Variants in MACROD2 observed in about 807,000 individuals in gnomAD.
MACROD2 encodes ADP-ribose glycohydrolase MACROD2.
Under a neutral mutation model 70.4 loss-of-function variants are expected in MACROD2, and 36 were observed. The observed-to-expected ratio is 0.51, with a 90% CI of 0.39 to 0.68. The LOEUF (loss-of-function observed/expected upper bound fraction) is 0.68. Ranked by LOEUF, MACROD2 falls within the 30% of genes least tolerant of loss-of-function variation. The pLI is 0.00. For synonymous variants in MACROD2, 172 were observed against 178.8 expected, an observed-to-expected ratio of 0.96 and a Z score of 0.30; for missense variants, 496 against 538.4, an observed-to-expected ratio of 0.92 and a Z score of 0.78.
At chr20:15,463,410 A>G (rs1436275627) in intron 7 of MACROD2, among the ~76,000 whole-genome samples, 1 of 152,220 alleles carries the variant, frequency 6.6e-6, no homozygotes, top group Admixed American at 6.5e-5. Context: ...GGAGATGACC[A>G]CTAATATCTA....
chr20:15,730,796 G>A (rs962880943), intron 8 of MACROD2, among the ~76,000 whole-genome samples: 3 of 150,588 alleles, frequency 2.0e-5, no homozygotes, highest in African/African-American at 7.3e-5. Flanking sequence ...GTTGCTTGCT[G>A]TCTCTTCCTC....
chr20:15,538,373 C>A (rs1312183294), intron 8 of MACROD2, among the ~76,000 whole-genome samples: 3 of 152,112 alleles, frequency 2.0e-5, no homozygotes, highest in Non-Finnish European at 4.4e-5. Flanking sequence ...ATGTAAAAGA[C>A]GGGCTTCAAA....
chr20:14,045,075 G>A (rs1005250548), intron 2 of MACROD2, among the ~76,000 whole-genome samples: 4 of 152,228 alleles, frequency 2.6e-5, no homozygotes, highest in Admixed American at 2.0e-4. Context: ...TTGCCGCTCC[G>A]AGTGCGGGGC....
rs139223093 is a variant in MACROD2 at position 14,065,511 on chromosome 20, A to G, written c.164-20110A>G. 9.2e-5 allele frequency among the ~76,000 whole-genome samples: 14 copies of G among 152,312 alleles called. No individual in the cohort carries two copies. In the East Asian group the frequency reaches 2.7e-3, roughly 29 times the overall value. On this transcript the variant is annotated intron_variant, in intron 2 of 17. Transcript: ENST00000684519. Reference sequence around the variant, plus strand: ...TAGGGTATTGTGCTGGCTGGTATATATGGCAGAAAGAAGTGATTCTGCCTC... The same window carrying G: ...TAGGGTATTGTGCTGGCTGGTATATGTGGCAGAAAGAAGTGATTCTGCCTC...
intron 8 of MACROD2, among the ~76,000 whole-genome samples, chr20:15,623,724 G>C (rs1453876720): frequency 7.8e-6 from 1 of 128,830 alleles, no homozygotes; most frequent in African/African-American, 3.0e-5. Context: ...ATCTATCGAT[G>C]TGTCTATGTA....
chr20:15,891,112 G>A (rs1223168007), intron 10 of MACROD2, among the ~76,000 whole-genome samples: 5 of 152,110 alleles, frequency 3.3e-5, no homozygotes, highest in African/African-American at 1.2e-4. Flanking sequence ...TTCCTTTCTG[G>A]TGAGCCTTTA....
intron 8 of MACROD2, among the ~76,000 whole-genome samples, chr20:15,518,523 G>A (rs554538277): frequency 6.3e-4 from 96 of 152,226 alleles, no homozygotes; most frequent in African/African-American, 2.2e-3. Flanking sequence ...TAAATTTTGT[G>A]GGCCTCCATC....
At chr20:15,584,884 G>A (rs1469903711) in intron 8 of MACROD2, among the ~76,000 whole-genome samples, 1 of 152,174 alleles carries the variant, frequency 6.6e-6, no homozygotes, top group Non-Finnish European at 1.5e-5. Context: ...ACCTGTCCAT[G>A]CCAGTGACTA....
intron 3 of MACROD2, among the ~76,000 whole-genome samples, chr20:14,303,695 G>A (rs987075552): frequency 6.6e-6 from 1 of 152,058 alleles, no homozygotes; most frequent in African/African-American, 2.4e-5. Context: ...TAGTCTTCCA[G>A]TTCTGCATAG....
At chr20:15,032,361 C>T (rs891090827) in intron 5 of MACROD2, among the ~76,000 whole-genome samples, 8 of 152,362 alleles carry the variant, frequency 5.3e-5, no homozygotes, top group African/African-American at 1.7e-4. Context: ...GGCGCGCCTA[C>T]CCCTCTGCAC....
At chr20:15,972,716 A>C (rs1307085384) in intron 13 of MACROD2, among the ~76,000 whole-genome samples, 1 of 152,140 alleles carries the variant, frequency 6.6e-6, no homozygotes, top group Non-Finnish European at 1.5e-5. Context: ...AGGCTGAGTC[A>C]GGAGAATCAC....
intron 3 of MACROD2, among the ~76,000 whole-genome samples, chr20:14,366,318 C>T (rs1337934433): frequency 6.7e-6 from 1 of 149,602 alleles, no homozygotes; most frequent in Non-Finnish European, 1.5e-5. Context: ...TTTTTATCTT[C>T]TTTATATATT....
At chr20:14,173,471 A>T (rs6079333) in intron 3 of MACROD2, among the ~76,000 whole-genome samples, 144,252 of 152,002 alleles carry the variant, frequency 0.95, 68,468 homozygotes, top group East Asian at 0.99. Flanking sequence ...AGTTGTGATT[A>T]TTTTTTATTT....
At chr20:14,367,088 T>C (rs1037976709) in intron 3 of MACROD2, among the ~76,000 whole-genome samples, 1 of 152,170 alleles carries the variant, frequency 6.6e-6, no homozygotes, top group Non-Finnish European at 1.5e-5. Context: ...GTGGTTTGTA[T>C]GGGGATAACA....
intron 5 of MACROD2, among the ~76,000 whole-genome samples, chr20:14,989,765 C>G (rs1436764864): frequency 1.3e-5 from 2 of 152,068 alleles, no homozygotes; most frequent in African/African-American, 4.8e-5. Context: ...TATGTTGGGT[C>G]CGGTCCGTTT....
At chr20:15,834,371 C>T (rs1305783020) in intron 8 of MACROD2, among the ~76,000 whole-genome samples, 1 of 152,064 alleles carries the variant, frequency 6.6e-6, no homozygotes, top group African/African-American at 2.4e-5. Flanking sequence ...AATAAAATAA[C>T]ACACCGCGTA....
Position 14,397,207 on chromosome 20 carries a change from C to A in MACROD2, c.272-96272C>A, listed in dbSNP as rs189194972. On this transcript the variant is annotated intron_variant, in intron 3 of 17. Transcript: ENST00000684519. The stretch of plus-strand genomic sequence containing the variant: ...ATGGAGTTTCACCATATTGGCCAGG[C>A]TGATCTTGAACTCCTGACCTAGTGA... Among the ~76,000 whole-genome samples the A allele has an allele frequency of 4.5e-3, 687 of 151,976 alleles. 7 individuals carry two copies. Among genetic ancestry groups the A allele is most frequent in the Non-Finnish European group, 5.4e-3 (370 of 67,946 alleles).
chr20:14,727,011 A>G (rs1217506068), intron 5 of MACROD2, among the ~76,000 whole-genome samples: 1 of 152,196 alleles, frequency 6.6e-6, no homozygotes, highest in African/African-American at 2.4e-5. Context: ...TCTCTTTCAT[A>G]TGGTTTAAAC....
chr20:14,973,513 GC>G (rs1284270702), intron 5 of MACROD2, among the ~76,000 whole-genome samples: 1 of 152,040 alleles, frequency 6.6e-6, no homozygotes, highest in Non-Finnish European at 1.5e-5. Flanking sequence ...ATGAGCCACC[GC>G]ACCTGGCCAA....
Sources: gnomAD v4.1 joint callset for allele counts (sites outside exome capture counted in the v4.1 genomes callset) on GRCh38, gnomAD v4.1.1 for gene constraint, MANE v1.5 for transcripts, NCBI Gene and HGNC (gene_info 2026-07-23, HGNC 2026-07-21) for gene names.